Variants in FGD4 observed in about 807,000 individuals in gnomAD.
FGD4 encodes the protein FYVE, RhoGEF and PH domain-containing protein 4.
In FGD4, 42 loss-of-function variants were observed where a neutral mutation model predicts 102.0. That is an observed-to-expected ratio of 0.41 (90% CI 0.32 to 0.53). The LOEUF is 0.53. Among genes scored for constraint, FGD4 ranks in the 20% least tolerant of loss-of-function variants. FGD4 has a pLI of 0.21. For missense variants in FGD4, 902 were observed against 1,078.2 expected (o/e 0.84, Z 2.29); for synonymous variants, 380 against 375.7 (o/e 1.01, Z -0.13).
intron 1 of FGD4, among the ~76,000 whole-genome samples, chr12:32,523,117 C>T (rs1402443471): frequency 2.0e-5 from 3 of 152,030 alleles, no homozygotes; most frequent in African/African-American, 7.3e-5. Context: ...CGGGTCTGTT[C>T]CCCAGAGCAG....
chr12:32,553,296 G>T (rs958446870), intron 1 of FGD4, among the ~76,000 whole-genome samples: 1 of 152,140 alleles, frequency 6.6e-6, no homozygotes, highest in Non-Finnish European at 1.5e-5. Flanking sequence ...AGTATAGCAG[G>T]TTGTGTTCTA....
intron 1 of FGD4, among the ~76,000 whole-genome samples, chr12:32,542,502 T>C (rs953583316): frequency 1.3e-5 from 2 of 152,226 alleles, no homozygotes; most frequent in Non-Finnish European, 2.9e-5. Flanking sequence ...TTATGAAATA[T>C]TAGGCAGTTT....
chr12:32,637,626 A>AAAT (rs1428659307), intron 15 of FGD4: 6 of 109,118 alleles, frequency 5.5e-5, no homozygotes, highest in African/African-American at 1.6e-4. Flanking sequence ...AATAAATAAT[A>AAAT]AATAAGGCTT....
chr12:32,500,392 T>TTTTATTTTATTTTA (rs1379808269), intron 1 of FGD4, among the ~76,000 whole-genome samples: 135 of 135,324 alleles, frequency 1.0e-3, no homozygotes, highest in African/African-American at 3.7e-3. Context: ...TTTTATTTTA[T>TTTTATTTTATTTTA]TTTTATTTTA....
At chr12:32,431,427 G>A (rs1050294155) in intron 1 of FGD4, among the ~76,000 whole-genome samples, 2 of 152,108 alleles carry the variant, frequency 1.3e-5, no homozygotes. Flanking sequence ...TTGGAAAAGG[G>A]TTTTTTATTC....
intron 1 of FGD4, among the ~76,000 whole-genome samples, chr12:32,480,690 G>T (rs192818185): frequency 1.3e-5 from 2 of 151,508 alleles, no homozygotes; most frequent in South Asian, 2.1e-4. Flanking sequence ...TAGTAGAGAC[G>T]GGGTTTCACC....
intron 1 of FGD4, among the ~76,000 whole-genome samples, chr12:32,451,834 C>CAAAAAAAAAAAAAAAAAAA (rs60760923): frequency 4.1e-5 from 1 of 24,144 alleles, no homozygotes; most frequent in Non-Finnish European, 7.0e-5. Flanking sequence ...AACTCCATCT[C>CAAAAAAAAAAAAAAAAAAA]AAAAAAAAAA....
At chr12:32,433,710 A>G (rs200585083) in intron 1 of FGD4, among the ~76,000 whole-genome samples, 5 of 152,296 alleles carry the variant, frequency 3.3e-5, no homozygotes, top group African/African-American at 1.2e-4. Context: ...AATTCTAGCT[A>G]TTGAAGTTAG....
At chr12:32,539,569 C>CG (rs1942624979) in intron 1 of FGD4, among the ~76,000 whole-genome samples, 2 of 132,846 alleles carry the variant, frequency 1.5e-5, no homozygotes, top group African/African-American at 6.5e-5. Flanking sequence ...AACTCTGTCT[C>CG]AGGGGGGAAA....
At chr12:32,634,631 TAGA>T (rs540787323) in intron 15 of FGD4, among the ~76,000 whole-genome samples, 246 of 152,296 alleles carry the variant, frequency 1.6e-3, no homozygotes, top group African/African-American at 5.6e-3. Flanking sequence ...GGAAAGTCTA[TAGA>T]AGAATAGGCT....
intron 1 of FGD4, among the ~76,000 whole-genome samples, chr12:32,471,534 T>C (rs979150946): frequency 1.3e-5 from 2 of 152,232 alleles, no homozygotes; most frequent in Admixed American, 6.5e-5. Context: ...ATTACATCTC[T>C]TCAGAAGCCT....
intron 1 of FGD4, among the ~76,000 whole-genome samples, chr12:32,498,279 C>G (rs1937946715): frequency 6.6e-6 from 1 of 152,184 alleles, no homozygotes; most frequent in Non-Finnish European, 1.5e-5. Context: ...TATGCAAACT[C>G]CTACCTCTAG....
At chr12:32,434,124 G>A (rs912412624) in intron 1 of FGD4, among the ~76,000 whole-genome samples, 2 of 152,176 alleles carry the variant, frequency 1.3e-5, no homozygotes, top group African/African-American at 2.4e-5. Context: ...AAAGTGCTGG[G>A]ATTACAGGCA....
intron 1 of FGD4, among the ~76,000 whole-genome samples, chr12:32,556,243 G>C (rs187008554): frequency 6.6e-6 from 1 of 152,040 alleles, no homozygotes; most frequent in Non-Finnish European, 1.5e-5. Context: ...CAAGGGGTAT[G>C]CTTTAAAATT....
intron 10 of FGD4, among the ~76,000 whole-genome samples, chr12:32,612,619 A>G (rs1372459113): frequency 1.3e-5 from 2 of 152,138 alleles, no homozygotes; most frequent in African/African-American, 4.8e-5. Flanking sequence ...TTTCTCTTTC[A>G]TTTCATTCTC....
chr12:32,612,332 T>G (rs371542436), intron 10 of FGD4, among the ~76,000 whole-genome samples: 2 of 152,192 alleles, frequency 1.3e-5, no homozygotes, highest in East Asian at 3.9e-4. Context: ...CACGTACCCC[T>G]TGCTGCTCCA....
intron 2 of FGD4, among the ~76,000 whole-genome samples, chr12:32,567,376 T>C (rs868681680): frequency 1.3e-5 from 2 of 152,156 alleles, no homozygotes; most frequent in Non-Finnish European, 2.9e-5. Flanking sequence ...AGGTGAGTAG[T>C]TCTCAAGCGG....
intron 10 of FGD4, among the ~76,000 whole-genome samples, chr12:32,613,613 G>A (rs1298501986): frequency 6.6e-6 from 1 of 151,872 alleles, no homozygotes; most frequent in Non-Finnish European, 1.5e-5. Flanking sequence ...AAAATTAGCT[G>A]GGCATGGTAG....
chr12:32,551,104 G>A (rs1053179293), intron 1 of FGD4, among the ~76,000 whole-genome samples: 9 of 152,172 alleles, frequency 5.9e-5, no homozygotes, highest in African/African-American at 2.2e-4. Context: ...TAATCCCAGA[G>A]AGTAGCAGAG....
Sources: gnomAD v4.1 joint callset for allele counts (sites outside exome capture counted in the v4.1 genomes callset) on GRCh38, gnomAD v4.1.1 for gene constraint, MANE v1.5 for transcripts, NCBI Gene and HGNC (gene_info 2026-07-23, HGNC 2026-07-21) for gene names.